PDCD11: variants seen among roughly 807,000 people sequenced by gnomAD.
PDCD11 encodes the protein protein RRP5 homolog.
PDCD11 carries 97 observed loss-of-function variants against 198.9 expected under a neutral mutation model. The ratio of observed to expected loss-of-function variants is 0.49; its 90% CI spans 0.41 to 0.58. PDCD11 has a LOEUF of 0.58. Among genes scored for constraint, PDCD11 ranks in the 20% least tolerant of loss-of-function variants. PDCD11 has a pLI of 0.00. For missense variants in PDCD11, 2,102 were observed against 2,312.7 expected (o/e 0.91, Z 1.87); for synonymous variants, 893 against 918.0 (o/e 0.97, Z 0.49).
At position 103,400,403 on chromosome 10, in the gene PDCD11, A is replaced by G; in HGVS notation, c.109A>G (p.Thr37Ala). Residue 37 changes from threonine to alanine, a missense_variant, in exon 3 of 36, where the codon ACT (threonine) becomes GCT (alanine). Coordinates refer to ENST00000369797, the MANE Select transcript of PDCD11 (RefSeq NM_014976.2). ...VEQDNLFDIS[T>A]EEGSTKRKKS... ...TCCCCCTACCCGCTTCTAGATTTCT[A>G]CTGAAGAGGGATCCACCAAAAGAAA... is the stretch of plus-strand genomic sequence containing the variant. 1.2e-6 allele frequency: 2 copies of G among 1,612,228 alleles called. No homozygotes were observed. The highest frequency in any genetic ancestry group is 1.7e-6 in the Non-Finnish European group (2 of 1,179,620).
At chr10:103,410,586 TTTTTC>T (rs891483654) in intron 8 of PDCD11, among the ~76,000 whole-genome samples, 3 of 151,230 alleles carry the variant, frequency 2.0e-5, no homozygotes, top group African/African-American at 7.3e-5. Flanking sequence ...TTCTGGGTGA[TTTTTC>T]TTTTCTTTTC....
chr10:103,399,051 T>G (rs1411314655), intron 2 of PDCD11, among the ~76,000 whole-genome samples: 1 of 151,886 alleles, frequency 6.6e-6, no homozygotes, highest in Non-Finnish European at 1.5e-5. Flanking sequence ...GTGCTGTTCC[T>G]TGTTCTTAGA....
rs2032057981 is a variant in PDCD11 at position 103,434,309 on chromosome 10, G to C, written c.3626G>C (p.Gly1209Ala). 1.9e-6 allele frequency: 3 copies of C among 1,613,648 alleles called. No individual in the cohort carries two copies. The highest frequency in any genetic ancestry group is 2.5e-6 in the Non-Finnish European group (3 of 1,179,514). Residue 1209 changes from glycine to alanine, a missense_variant, in exon 24 of 36, where the codon GGC (glycine) becomes GCC (alanine). Coordinates refer to ENST00000369797, the MANE Select transcript of PDCD11 (RefSeq NM_014976.2). ...VGQALRATVV[G>A]PDSSKTLLCL... ...CAGGCCCTGAGGGCCACCGTTGTTG[G>C]CCCAGATTCCTCCAAGACCCTCTTA...
chr10:103,428,309 G>GAAAA (rs56689026), intron 21 of PDCD11, among the ~76,000 whole-genome samples: 4 of 143,242 alleles, frequency 2.8e-5, no homozygotes, highest in African/African-American at 5.1e-5. Flanking sequence ...CGTCTCAAAA[G>GAAAA]AAAAAAAAAA....
At chr10:103,437,572 C>T (rs1163822476) in intron 25 of PDCD11, among the ~76,000 whole-genome samples, 1 of 152,196 alleles carries the variant, frequency 6.6e-6, no homozygotes, top group African/African-American at 2.4e-5. Context: ...ACTGCAACCT[C>T]TGCCTCCTGG....
intron 11 of PDCD11, 82 bp from the exon 12 acceptor site, chr10:103,414,923 G>A (rs572209226): frequency 1.4e-6 from 2 of 1,476,608 alleles, no homozygotes; most frequent in Non-Finnish European, 1.9e-6. Context: ...CTGTGAAGGG[G>A]AGGTATGACA....
intron 1 of PDCD11, among the ~76,000 whole-genome samples, chr10:103,398,104 G>A (rs1275766699): frequency 6.6e-6 from 1 of 152,162 alleles, no homozygotes; most frequent in African/African-American, 2.4e-5. Flanking sequence ...TGAAGGCAGA[G>A]GATTATATAT....
intron 17 of PDCD11, among the ~76,000 whole-genome samples, chr10:103,422,055 T>TTTATTATTATTA (rs201558637): frequency 2.0e-4 from 26 of 127,454 alleles, no homozygotes; most frequent in East Asian, 6.7e-4. Flanking sequence ...AGTGCACAAT[T>TTTATTATTATTA]TTATTATTAT....
chr10:103,434,276 G>C lies in PDCD11; in HGVS notation c.3593G>C (p.Arg1198Pro). The C allele has an allele frequency of 2.5e-6, 4 of 1,613,616 alleles. No individual in the cohort carries two copies. The highest frequency in any genetic ancestry group is 3.4e-6 in the Non-Finnish European group (4 of 1,179,510). The stretch of plus-strand genomic sequence containing the variant: ...CTGAAGCATCCAGATAAGAAGTTCC[G>C]GGTTGGCCAGGCCCTGAGGGCCACC... Reference protein sequence around the residue: ...KVLKHPDKKFRVGQALRATVV... With the variant: ...KVLKHPDKKFPVGQALRATVV... Residue 1198 changes from arginine (R) to proline (P), a missense_variant, in exon 24 of 36, where the codon CGG becomes CCG. By Grantham distance (103) the Arg-to-Pro change is moderately radical (BLOSUM62 -2). Coordinates refer to ENST00000369797, the MANE Select transcript of PDCD11 (RefSeq NM_014976.2).
rs1464087878 is a variant in PDCD11 at position 103,416,471 on chromosome 10, A to C, written c.1519-20A>C. ...TCATGATAACAGATAACTTGATGAC[A>C]GCCTGTGTCCCTCCCCTAGGTTTTG... On this transcript the variant is annotated intron_variant, in intron 12 of 35. Coordinates refer to ENST00000369797, the MANE Select transcript of PDCD11 (RefSeq NM_014976.2). 1 of 1,612,524 alleles carries C rather than the reference A, an allele frequency of 6.2e-7. No individual in the cohort carries two copies. Among genetic ancestry groups the C allele is most frequent in the Non-Finnish European group, 8.5e-7 (1 of 1,178,978 alleles).
At position 103,427,384 on chromosome 10, in the gene PDCD11, C is replaced by G. The variant is rs779542434; in HGVS notation, c.3361C>G (p.Arg1121Gly). ...TCGAACCATCCCGGAGCTGAGTGTT[C>G]GGCCAAGGTGAGGGGGACATTAGCA... ...FVRTIPELSVRPSELEDGHTA... is the reference protein window; with the variant it reads ...FVRTIPELSVGPSELEDGHTA... The change falls in exon 21 of 36, where the codon CGG becomes GGG. Residue 1121 changes from arginine (R) to glycine (G), a missense_variant. By Grantham distance (125) the Arg-to-Gly change is moderately radical. Coordinates refer to ENST00000369797, the MANE Select transcript of PDCD11 (RefSeq NM_014976.2). The G allele has an allele frequency of 1.2e-6, 2 of 1,610,866 alleles. No individual in the cohort carries two copies. The highest frequency in any genetic ancestry group is 1.3e-5 in the African/African-American group (1 of 74,666).
chr10:103,438,938 C>T (rs901390603), intron 27 of PDCD11, 130 bp downstream of exon 27: 25 of 902,114 alleles, frequency 2.8e-5, no homozygotes, highest in Non-Finnish European at 3.9e-5. Flanking sequence ...TGAGTCCCCA[C>T]TCATTTTTAA....
intron 23 of PDCD11, 51 bp downstream of exon 23, chr10:103,434,088 G>A (rs2032047724): frequency 1.4e-6 from 2 of 1,444,418 alleles, no homozygotes; most frequent in South Asian, 1.1e-5. Flanking sequence ...CCTAAGCTTG[G>A]CCCAGTGCCT....
At chr10:103,406,199 A>G (rs750064535) in intron 6 of PDCD11, 91 bp downstream of exon 6, 86 of 1,460,454 alleles carry the variant, frequency 5.9e-5, no homozygotes, top group Non-Finnish European at 7.7e-5. Context: ...AACATGACAG[A>G]ATGGTGACCC....
chr10:103,414,661 A>G (rs1200042242), intron 11 of PDCD11, among the ~76,000 whole-genome samples: 1 of 152,206 alleles, frequency 6.6e-6, no homozygotes, highest in Non-Finnish European at 1.5e-5. Context: ...AGTTCCAGGT[A>G]CCTGTCCTGT....
rs1326366380 is a variant in PDCD11, at chr10:103,421,906, G to T, written c.2497+339G>T. On this transcript the variant is annotated intron_variant, in intron 17 of 35. Coordinates refer to ENST00000369797, the MANE Select transcript of PDCD11 (RefSeq NM_014976.2). ...GGCGTGAACCCGGGAAGCGGAGCTT[G>T]CAGTGAGCCGAGATTGCGTCACTGC... Among the ~76,000 whole-genome samples, 4 of 147,524 alleles carry T rather than the reference G, an allele frequency of 2.7e-5. No individual in the cohort carries two copies. The East Asian group carries it at 5.9e-4, about 22-fold the overall frequency.
Position 103,433,995 on chromosome 10 carries a change from C to A in PDCD11, c.3522C>A (p.Ile1174=). ...KWLEVEIAPD[I]RGRIPLLLTS... ...TTGAGGTGGAGATTGCCCCAGACAT[C>A]CGGGGGAGAATTCCCTTATTGCTCA... The change falls in exon 23 of 36, where the codon ATC becomes ATA. Residue 1174 remains isoleucine (I), a synonymous_variant. Transcript: ENST00000369797. The A allele has an allele frequency of 6.2e-7, 1 of 1,614,038 alleles. No homozygotes were observed. The highest frequency in any genetic ancestry group is 1.7e-5 in the Admixed American group (1 of 60,020).
At chr10:103,441,705 G>C in intron 30 of PDCD11, 121 bp from the exon 31 acceptor site, 1 of 841,164 alleles carries the variant, frequency 1.2e-6, no homozygotes, top group South Asian at 1.7e-5. Context: ...AGGAGGAGAG[G>C]AGAGGAGAGG....
chr10:103,399,750 G>T (rs2093454573), intron 2 of PDCD11: 1 of 152,346 alleles, frequency 6.6e-6, no homozygotes, highest in African/African-American at 2.4e-5. Flanking sequence ...GTGCAGTGTT[G>T]TGATCTCAGC....
Sources: gnomAD v4.1 joint callset for allele counts (sites outside exome capture counted in the v4.1 genomes callset) on GRCh38, gnomAD v4.1.1 for gene constraint, MANE v1.5 for transcripts, NCBI Gene and HGNC (gene_info 2026-07-23, HGNC 2026-07-21) for gene names.